GPAM: variants seen among roughly 807,000 people sequenced by gnomAD.
GPAM encodes glycerol-3-phosphate acyltransferase 1, mitochondrial.
A neutral mutation model predicts 105.0 loss-of-function variants in GPAM; 56 were observed. The ratio of observed to expected loss-of-function variants is 0.53; its 90% CI spans 0.43 to 0.67. The LOEUF (loss-of-function observed/expected upper bound fraction) is 0.67, where lower values mean the gene tolerates loss of function less well. GPAM is among the 30% of genes least tolerant of loss of function. The pLI, the probability that GPAM is intolerant of heterozygous loss-of-function variation, is 0.00. For missense variants in GPAM, 855 were observed against 989.8 expected (o/e 0.86, Z 1.83); for synonymous variants, 368 against 354.4 (o/e 1.04, Z -0.43).
chr10:112,219,021 G>A (rs1847996576), upstream of GPAM, among the ~76,000 whole-genome samples: 1 of 152,144 alleles, frequency 6.6e-6, no homozygotes, highest in African/African-American at 2.4e-5. Context: ...CTCGTTCTGT[G>A]GCTAAGAATG....
In GPAM at chr10:112,180,610, G is replaced by GA; in HGVS notation, c.103-16dup. 1 of 1,601,538 alleles carries GA rather than the reference G, an allele frequency of 6.2e-7. No homozygotes were observed. The highest frequency in any genetic ancestry group is 8.6e-7 in the Non-Finnish European group (1 of 1,169,264). ...CCACACTCACCCTGACAAATATTAA[G>GA]AAAAAAATATAGTTTCTAAATGGCA... On this transcript the variant is annotated splice_polypyrimidine_tract_variant and intron_variant, in intron 3 of 21. Coordinates refer to ENST00000348367, the MANE Select transcript of GPAM (RefSeq NM_001244949.2).
chr10:112,200,244 T>TATATAGAG lies in GPAM; in HGVS notation n.210+14923_210+14924insCTCTATAT, dbSNP rs61460320. On this transcript the variant is annotated intron_variant and non_coding_transcript_variant, in intron 1 of 3. Transcript: ENST00000480130. ...CACTATATGTATATATATATATATA[T>TATATAGAG]AGAGAGAGAGAGAGAGAGAGAGAGA... Among the ~76,000 whole-genome samples, 296 of 123,560 alleles carry TATATAGAG rather than the reference T, an allele frequency of 2.4e-3. 3 individuals carry two copies. The highest frequency in any genetic ancestry group is 8.6e-3 in the African/African-American group (278 of 32,374). 81.1% of individuals were successfully genotyped at this position (123,560 alleles called of 152,430 possible).
At position 112,168,378 on chromosome 10, in the gene GPAM, G is replaced by T; in HGVS notation, c.1041C>A (p.Ile347=). The T allele has an allele frequency of 6.2e-7, 1 of 1,610,272 alleles. No individual in the cohort carries two copies. Among genetic ancestry groups the T allele is most frequent in the East Asian group, 2.2e-5 (1 of 44,864 alleles). Residue 347 remains isoleucine, a synonymous_variant, in exon 11 of 22, where the codon ATC becomes ATA. Transcript: ENST00000348367. ...DTLSTNVIPD[I]LIIPVGISYD... ...AGGAGATTCCAACAGGTATTATCAA[G>T]ATGTCTGGGATGACATTGGTAGACA...
rs995049651 is a variant in GPAM, at chr10:112,152,566, A to G, written c.*984T>C. ...GGGGTGCAGTACACAATCTGTGTGC[A>G]GTACAGAAAGCCCTCATCAGCTGTG... On this transcript the variant is annotated 3_prime_UTR_variant, in exon 22 of 22. Transcript: ENST00000348367. The G allele has an allele frequency of 1.0e-6, 1 of 985,430 alleles. No individual in the cohort carries two copies. Among genetic ancestry groups the G allele is most frequent in the Non-Finnish European group, 1.2e-6 (1 of 829,908 alleles). 61.0% of individuals were successfully genotyped at this position (985,430 alleles called of 1,614,324 possible). A position where few individuals can be genotyped will look rare whatever the true frequency, so the allele number is the denominator to read the frequency against.
chr10:112,176,199 T>C (rs1402013107), intron 5 of GPAM, among the ~76,000 whole-genome samples: 2 of 152,212 alleles, frequency 1.3e-5, no homozygotes, highest in African/African-American at 4.8e-5. Context: ...ATTCTCTAAT[T>C]GAATTGACAA....
At chr10:112,174,538 C>T (rs1042292341) in intron 6 of GPAM, among the ~76,000 whole-genome samples, 6 of 152,178 alleles carry the variant, frequency 3.9e-5, no homozygotes, top group Non-Finnish European at 8.8e-5. Context: ...GTCAAAACAT[C>T]TGGATGAAAT....
At chr10:112,214,909 C>A (rs1847951729) in intron 1 of GPAM, among the ~76,000 whole-genome samples, 1 of 152,208 alleles carries the variant, frequency 6.6e-6, no homozygotes, top group African/African-American at 2.4e-5. Context: ...TCATGAGGAG[C>A]AAATGCACAC....
upstream of GPAM, among the ~76,000 whole-genome samples, chr10:112,185,704 C>G (rs778724371): frequency 2.6e-5 from 4 of 151,724 alleles, no homozygotes; most frequent in Non-Finnish European, 4.4e-5. Context: ...ACCCAGGAGG[C>G]AGAGCTTGCA....
chr10:112,156,145 C>T (rs1231454281), intron 19 of GPAM, 92 bp from the exon 20 acceptor site: 15 of 851,078 alleles, frequency 1.8e-5, no homozygotes, highest in African/African-American at 5.0e-5. Context: ...GAGCCAGTAA[C>T]GTGAGAAGAT....
At chr10:112,221,171 T>C in the GPAM span, among the ~76,000 whole-genome samples, 13 of 152,318 alleles carry the variant, frequency 8.5e-5, no homozygotes, top group East Asian at 2.3e-3. Context: ...TTCACAGATA[T>C]GAAATACTGT....
At chr10:112,173,421 C>T (rs146931102) in intron 7 of GPAM, among the ~76,000 whole-genome samples, 140 of 152,244 alleles carry the variant, frequency 9.2e-4, no homozygotes, top group Non-Finnish European at 1.5e-3. Context: ...GACTCAGATA[C>T]GTGAAAGTTG....
chr10:112,198,685 C>T (rs943099442), intron 1 of GPAM, among the ~76,000 whole-genome samples: 8 of 152,094 alleles, frequency 5.3e-5, no homozygotes, highest in Non-Finnish European at 7.4e-5. Flanking sequence ...CATATCCAAA[C>T]GAATTGAAAT....
intron 20 of GPAM, chr10:112,154,973 G>A: frequency 2.0e-6 from 1 of 500,954 alleles, no homozygotes. Context: ...GAGGGAAGTA[G>A]AAATACCTAA....
At chr10:112,159,867 G>A (rs112400760) in intron 17 of GPAM, 44 bp downstream of exon 17, 87 of 1,596,310 alleles carry the variant, frequency 5.5e-5, no homozygotes, top group Non-Finnish European at 3.2e-5. Flanking sequence ...TCATGAAAAC[G>A]CTCAAGAAAA....
chr10:112,156,146 G>A (rs982919936), intron 19 of GPAM, 93 bp from the exon 20 acceptor site: 9 of 820,272 alleles, frequency 1.1e-5, no homozygotes, highest in Admixed American at 6.0e-5. Context: ...AGCCAGTAAC[G>A]TGAGAAGATG....
At chr10:112,168,546 A>T in intron 10 of GPAM, 22 bp from the exon 11 acceptor site, 4 of 1,466,904 alleles carry the variant, frequency 2.7e-6, no homozygotes, top group Non-Finnish European at 3.8e-6. Context: ...GAAGAAAGTA[A>T]AACATACATT....
chr10:112,198,178 G>A (rs1847748128), intron 1 of GPAM, among the ~76,000 whole-genome samples: 1 of 152,148 alleles, frequency 6.6e-6, no homozygotes, highest in Non-Finnish European at 1.5e-5. Flanking sequence ...CACAGAGTGG[G>A]TACTAGGTAA....
At chr10:112,206,673 G>T (rs1847853788) in intron 1 of GPAM, among the ~76,000 whole-genome samples, 1 of 101,890 alleles carries the variant, frequency 9.8e-6, no homozygotes, top group Non-Finnish European at 1.8e-5. Flanking sequence ...CTGTGGTGGG[G>T]TCGGGGGAGG....
Position 112,151,884 on chromosome 10 carries a change from A to G in GPAM, c.*1666T>C. The G allele has an allele frequency of 1.0e-6, 1 of 982,810 alleles. No homozygotes were observed. Among genetic ancestry groups the G allele is most frequent in the Non-Finnish European group, 1.2e-6 (1 of 827,576 alleles). 60.9% of individuals were successfully genotyped at this position (982,810 alleles called of 1,614,324 possible). A position where few individuals can be genotyped will look rare whatever the true frequency, so the allele number is the denominator to read the frequency against. Reference sequence around the variant, plus strand: ...AATGCTAAAACATGATATCTCATTCAACATCAGAGCTACTACAACTGACAA... The same window carrying G: ...AATGCTAAAACATGATATCTCATTCGACATCAGAGCTACTACAACTGACAA... On this transcript the variant is annotated 3_prime_UTR_variant, in exon 22 of 22. Coordinates refer to ENST00000348367, the MANE Select transcript of GPAM (RefSeq NM_001244949.2).
Sources: allele counts gnomAD v4.1 joint callset (sites outside exome capture counted in the v4.1 genomes callset), GRCh38; gene constraint gnomAD v4.1.1; transcripts MANE v1.5; gene names NCBI Gene and HGNC (gene_info 2026-07-23, HGNC 2026-07-21).